The following MLIP variants were observed in gnomAD, a reference collection of about 807,000 sequenced individuals.
MLIP encodes the protein muscular LMNA interacting protein.
In MLIP, 79 loss-of-function variants were observed where a neutral mutation model predicts 84.8. The observed-to-expected ratio is 0.93, with a 90% CI of 0.78 to 1.12. MLIP has a LOEUF of 1.12. Among genes scored for constraint, MLIP ranks in the 50% most tolerant of loss-of-function variants. The pLI, the probability that MLIP is intolerant of heterozygous loss-of-function variation, is 0.00. For missense variants in MLIP, 1,257 were observed against 1,160.6 expected (o/e 1.08, Z -1.21); for synonymous variants, 504 against 463.0 (o/e 1.09, Z -1.14).
intron 9 of MLIP, among the ~76,000 whole-genome samples, chr6:54,181,638 T>A (rs928197696): frequency 1.3e-5 from 2 of 152,170 alleles, no homozygotes; most frequent in Non-Finnish European, 2.9e-5. Context: ...ATACCTGAAG[T>A]CAGCCCATCT....
chr6:54,258,096 GA>G (rs1191817343), intron 13 of MLIP, among the ~76,000 whole-genome samples: 1 of 151,836 alleles, frequency 6.6e-6, no homozygotes, highest in Non-Finnish European at 1.5e-5. Flanking sequence ...GAAAATAGGA[GA>G]AAAAAAGTGA....
chr6:54,080,881 C>G lies in MLIP; in HGVS notation c.64-40566C>G, dbSNP rs1399267274. Among the ~76,000 whole-genome samples, 4 of 151,628 alleles carry G rather than the reference C, an allele frequency of 2.6e-5. No individual in the cohort carries two copies. The East Asian group carries it at 7.7e-4, about 29-fold the overall frequency. On this transcript the variant is annotated intron_variant, in intron 1 of 12. Transcript: ENST00000274897. ...AACTTGAGCCAGACAAATTCTTGGG[C>G]AAGAATATCTTCATCACCCCTCATC...
chr6:54,196,666 CA>C (rs1778322611), intron 10 of MLIP, among the ~76,000 whole-genome samples: 1 of 152,056 alleles, frequency 6.6e-6, no homozygotes, highest in African/African-American at 2.4e-5. Flanking sequence ...ATAGTCAGCA[CA>C]CTGAGCTTCT....
intron 4 of MLIP, among the ~76,000 whole-genome samples, chr6:54,146,795 A>T (rs1772885294): frequency 6.6e-6 from 1 of 152,194 alleles, no homozygotes; most frequent in Non-Finnish European, 1.5e-5. Context: ...GAAGTTGAGG[A>T]TAGGAGAACA....
upstream of MLIP, among the ~76,000 whole-genome samples, chr6:54,108,087 T>C (rs1769150040): frequency 6.6e-6 from 1 of 152,196 alleles, no homozygotes; most frequent in Non-Finnish European, 1.5e-5. Context: ...CGTTTAGTAA[T>C]AAGGGTGACG....
At chr6:54,231,547 T>C (rs1441078930) in intron 12 of MLIP, among the ~76,000 whole-genome samples, 1 of 152,150 alleles carries the variant, frequency 6.6e-6, no homozygotes, top group African/African-American at 2.4e-5. Flanking sequence ...GCTTTGGAAT[T>C]GAATCATAAA....
chr6:54,136,734 C>T lies in MLIP; in HGVS notation c.665C>T (p.Thr222Ile), dbSNP rs988376234. 6.0e-6 allele frequency: 9 copies of T among 1,502,168 alleles called. No homozygotes were observed. Among genetic ancestry groups the T allele is most frequent in the Non-Finnish European group, 8.0e-6 (9 of 1,122,912 alleles). 93.1% of individuals were successfully genotyped at this position (1,502,168 alleles called of 1,614,324 possible). A position where few individuals can be genotyped will look rare whatever the true frequency, so the allele number is the denominator to read the frequency against. Residue 222 changes from threonine (T) to isoleucine (I), a missense_variant, in exon 4 of 14, where the codon ACC becomes ATC. Physicochemically the swap from Thr to Ile is moderately conservative, Grantham distance 89. Coordinates refer to ENST00000502396, the MANE Select transcript of MLIP (RefSeq NM_001281747.2). The stretch of plus-strand genomic sequence containing the variant: ...CTCTAGTTAACTTCTTCTCCCACTA[C>T]CTCTGAGCAGCTTGCCTGTAAACCA... ...KHGQLTSSPTTSEQLACKPPA... is the reference protein window; with the variant it reads ...KHGQLTSSPTISEQLACKPPA...
rs937505873 is a variant in MLIP, at chr6:54,138,425, G to C, written c.2217+139G>C. 2.0e-5 allele frequency: 18 copies of C among 902,070 alleles called. No homozygotes were observed. In the Admixed American group the frequency reaches 3.5e-4, roughly 18 times the overall value. 55.9% of individuals were successfully genotyped at this position (902,070 alleles called of 1,614,324 possible). ...GAAGAAAAAGTGCAAGACGGTACCA[G>C]GACTTGGTATATTTGAATGTGTAAA... On this transcript the variant is annotated intron_variant, in intron 4 of 13. Transcript: ENST00000502396.
chr6:54,041,359 AGT>A (rs1764732403), intron 1 of MLIP, among the ~76,000 whole-genome samples: 1 of 152,110 alleles, frequency 6.6e-6, no homozygotes, highest in African/African-American at 2.4e-5. Context: ...GATTTTTGGC[AGT>A]TAATAAATGA....
chr6:54,228,505 A>G (rs1041788956), intron 11 of MLIP, among the ~76,000 whole-genome samples: 2 of 152,212 alleles, frequency 1.3e-5, no homozygotes, highest in Admixed American at 6.5e-5. Flanking sequence ...GCCTGGGTAG[A>G]GTGAGGACAA....
intron 1 of MLIP, among the ~76,000 whole-genome samples, chr6:54,039,699 G>A (rs1028146698): frequency 1.3e-5 from 2 of 151,840 alleles, no homozygotes; most frequent in African/African-American, 4.8e-5. Context: ...AGATCACTTA[G>A]TGTCTTTTGA....
chr6:54,105,211 G>A (rs184291723), intron 1 of MLIP, among the ~76,000 whole-genome samples: 14 of 152,242 alleles, frequency 9.2e-5, no homozygotes, highest in Non-Finnish European at 2.1e-4. Context: ...CTTCCTGCAT[G>A]CATTTGTGGA....
At chr6:54,190,130 A>G (rs925430657) in intron 10 of MLIP, among the ~76,000 whole-genome samples, 2 of 152,196 alleles carry the variant, frequency 1.3e-5, no homozygotes, top group Non-Finnish European at 2.9e-5. Flanking sequence ...ACTTGCTAGT[A>G]ACTTACATCC....
At chr6:54,190,957 G>A (rs1053862208) in intron 10 of MLIP, among the ~76,000 whole-genome samples, 20 of 151,588 alleles carry the variant, frequency 1.3e-4, no homozygotes, top group Non-Finnish European at 2.2e-4. Flanking sequence ...CACCGAGCCC[G>A]GCTAATTTTT....
intron 4 of MLIP, among the ~76,000 whole-genome samples, chr6:54,145,216 A>T (rs985781625): frequency 7.9e-5 from 12 of 152,180 alleles, no homozygotes; most frequent in Non-Finnish European, 1.5e-5. Flanking sequence ...CATTAGAATG[A>T]TTAGTAATTT....
At chr6:54,257,282 A>T in intron 12 of MLIP, 26 bp from the exon 13 acceptor site, 1 of 1,586,318 alleles carries the variant, frequency 6.3e-7, no homozygotes, top group South Asian at 1.1e-5. Context: ...ACTCCTGATC[A>T]TATCCTGGGC....
At position 54,215,508 on chromosome 6, in the gene MLIP, G is replaced by A. The variant is rs547775251; in HGVS notation, c.2718+13275G>A. 9.9e-6 allele frequency: 6 copies of A among 603,954 alleles called. No individual in the cohort carries two copies. The East Asian group carries it at 4.1e-4, about 41-fold the overall frequency. The allele number at this position is 603,954 out of a possible 1,614,324, so 37.4% of individuals were successfully genotyped here. On this transcript the variant is annotated intron_variant, in intron 11 of 13. Transcript: ENST00000502396. ...TTGACAAAAATTATACCTATTTAAG[G>A]TGTAAAATGTGATGATTTGATGTAT...
chr6:54,149,852 G>C (rs186360440), intron 5 of MLIP, among the ~76,000 whole-genome samples: 1 of 152,034 alleles, frequency 6.6e-6, no homozygotes, highest in Non-Finnish European at 1.5e-5. Context: ...AATATGTTAC[G>C]CATGTTTAAA....
At chr6:54,038,044 T>C (rs1219193587) in intron 1 of MLIP, among the ~76,000 whole-genome samples, 1 of 151,920 alleles carries the variant, frequency 6.6e-6, no homozygotes, top group Non-Finnish European at 1.5e-5. Context: ...CACTCCTTAA[T>C]GCACTCAGTG....
Sources: gnomAD v4.1 joint callset for allele counts (sites outside exome capture counted in the v4.1 genomes callset) on GRCh38, gnomAD v4.1.1 for gene constraint, MANE v1.5 for transcripts, NCBI Gene and HGNC (gene_info 2026-07-23, HGNC 2026-07-21) for gene names.